TIAM1: variants seen among roughly 807,000 people sequenced by gnomAD.
TIAM1 encodes the protein rho guanine nucleotide exchange factor TIAM1.
In TIAM1, 65 loss-of-function variants were observed where a neutral mutation model predicts 163.5. The observed-to-expected ratio is 0.40, with a 90% CI of 0.33 to 0.49. The LOEUF is 0.49. TIAM1 is among the 20% of genes least tolerant of loss of function. The pLI is 0.77. For synonymous variants in TIAM1, 833 were observed against 810.1 expected, an observed-to-expected ratio of 1.03 and a Z score of -0.48; for missense variants, 1,789 against 2,044.7, an observed-to-expected ratio of 0.87 and a Z score of 2.41.
intron 2 of TIAM1, among the ~76,000 whole-genome samples, chr21:31,402,688 G>A (rs531773877): frequency 2.0e-5 from 3 of 152,250 alleles, no homozygotes; most frequent in African/African-American, 7.2e-5. Flanking sequence ...GCTCACGCCT[G>A]TAATCCCAGC....
At chr21:31,164,592 C>G (rs2084116893) in intron 16 of TIAM1, among the ~76,000 whole-genome samples, 1 of 152,072 alleles carries the variant, frequency 6.6e-6, no homozygotes, top group Non-Finnish European at 1.5e-5. Flanking sequence ...TACAGAAACC[C>G]TAAGTAGCAA....
intron 14 of TIAM1, among the ~76,000 whole-genome samples, chr21:31,186,714 G>A (rs747054458): frequency 1.3e-5 from 2 of 152,046 alleles, no homozygotes; most frequent in Admixed American, 6.6e-5. Flanking sequence ...CCAGGATTTC[G>A]ATGCTACAGT....
intron 2 of TIAM1, among the ~76,000 whole-genome samples, chr21:31,391,331 T>C (rs149350106): frequency 2.3e-3 from 356 of 152,124 alleles, no homozygotes; most frequent in African/African-American, 8.1e-3. Flanking sequence ...TCCAAGTCGT[T>C]ATGAAAGTCT....
chr21:31,352,633 C>G (rs62221254), intron 2 of TIAM1, among the ~76,000 whole-genome samples: 6,323 of 150,588 alleles, frequency 0.042, 194 homozygotes, highest in Non-Finnish European at 0.061. Flanking sequence ...GGGCGGATCA[C>G]TTGAGGTCAG....
At chr21:31,195,125 T>C (rs2085780044) in intron 13 of TIAM1, 99 bp downstream of exon 13, 1 of 891,772 alleles carries the variant, frequency 1.1e-6, no homozygotes, top group Non-Finnish European at 1.8e-6. Context: ...CTATCTGTTT[T>C]AGATAGGACT....
chr21:31,422,299 G>GT (rs1351711736), intron 2 of TIAM1, among the ~76,000 whole-genome samples: 3 of 152,130 alleles, frequency 2.0e-5, no homozygotes, highest in Non-Finnish European at 4.4e-5. Context: ...CTCAGGATAC[G>GT]TATCAAGGAT....
chr21:31,417,689 G>C (rs1158916898), intron 2 of TIAM1, among the ~76,000 whole-genome samples: 1 of 152,164 alleles, frequency 6.6e-6, no homozygotes, highest in African/African-American at 2.4e-5. Flanking sequence ...GGACAGAAGA[G>C]AACAGATGTA....
intron 1 of TIAM1, among the ~76,000 whole-genome samples, chr21:31,342,665 G>A (rs917502779): frequency 2.0e-5 from 3 of 152,190 alleles, no homozygotes; most frequent in African/African-American, 7.2e-5. Flanking sequence ...GGGCGTGAGG[G>A]AGTAGATCAC....
At chr21:31,355,147 C>G (rs141728588) in intron 2 of TIAM1, among the ~76,000 whole-genome samples, 1,667 of 151,034 alleles carry the variant, frequency 0.011, 16 homozygotes, top group South Asian at 0.02. Context: ...TGCAGAAACA[C>G]CCACCAGACA....
chr21:31,447,794 C>T (rs557743614), intron 2 of TIAM1, among the ~76,000 whole-genome samples: 178 of 152,228 alleles, frequency 1.2e-3, no homozygotes, highest in Non-Finnish European at 2.1e-3. Flanking sequence ...CATATATGCA[C>T]AACACACATG....
intron 1 of TIAM1, among the ~76,000 whole-genome samples, chr21:31,507,607 A>G (rs1374731670): frequency 6.6e-6 from 1 of 152,100 alleles, no homozygotes; most frequent in East Asian, 1.9e-4. Flanking sequence ...TTCAGCACCA[A>G]TTATATGGTA....
chr21:31,478,369 AAATC>A (rs1336293708), intron 1 of TIAM1, among the ~76,000 whole-genome samples: 1 of 152,222 alleles, frequency 6.6e-6, no homozygotes, highest in Non-Finnish European at 1.5e-5. Flanking sequence ...AAGTTTAAAA[AAATC>A]AATCCATACA....
At position 31,266,220 on chromosome 21, in the gene TIAM1, G is replaced by A. The variant is rs1330384281; in HGVS notation, c.753C>T (p.Ser251=). The change falls in exon 4 of 28, where the codon AGC becomes AGT. Residue 251 remains serine (S), a synonymous_variant. Transcript: ENST00000541036. The stretch of plus-strand genomic sequence containing the variant: ...AATTCCGACAGTAGCCTGCAAATTT[G>A]CTCCCCGGCCCCCCGTTTGCTGTCA... ...SGVTANGGPG[S]KFAGYCRNLV... 6.2e-7 allele frequency: 1 copy of A among 1,614,138 alleles called. No individual in the cohort carries two copies. Among genetic ancestry groups the A allele is most frequent in the Middle Eastern group, 1.6e-4 (1 of 6,062 alleles).
intron 2 of TIAM1, among the ~76,000 whole-genome samples, chr21:31,411,078 C>T (rs956144702): frequency 6.6e-6 from 1 of 152,264 alleles, no homozygotes; most frequent in Non-Finnish European, 1.5e-5. Context: ...GAACCTCTCT[C>T]TGCCTCCCAC....
intron 1 of TIAM1, among the ~76,000 whole-genome samples, chr21:31,496,439 CA>C (rs1271419955): frequency 7.2e-6 from 1 of 138,730 alleles, no homozygotes; most frequent in Non-Finnish European, 1.5e-5. Context: ...CACTGCACTC[CA>C]GCCTGGGCAA....
chr21:31,484,469 C>T (rs1379398074), intron 1 of TIAM1, among the ~76,000 whole-genome samples: 2 of 152,296 alleles, frequency 1.3e-5, no homozygotes, highest in African/African-American at 4.8e-5. Flanking sequence ...CCTCTGCCTC[C>T]GGGGCAGGGA....
chr21:31,227,160 T>G (rs2284489), intron 6 of TIAM1, among the ~76,000 whole-genome samples: 2 of 151,958 alleles, frequency 1.3e-5, no homozygotes, highest in East Asian at 3.9e-4. Flanking sequence ...TTTCACCATG[T>G]TGCCTAGGCT....
chr21:31,175,103 T>C (rs1601417207), intron 15 of TIAM1, among the ~76,000 whole-genome samples: 1 of 152,096 alleles, frequency 6.6e-6, no homozygotes, highest in Non-Finnish European at 1.5e-5. Context: ...CCACCACGCC[T>C]GGCTAATTTT....
intron 27 of TIAM1, among the ~76,000 whole-genome samples, chr21:31,121,226 G>C (rs1296484113): frequency 6.6e-6 from 1 of 152,134 alleles, no homozygotes; most frequent in Non-Finnish European, 1.5e-5. Context: ...ATCAGTTAGT[G>C]AGTTAGTGTC....
Sources: gnomAD v4.1 joint callset for allele counts (sites outside exome capture counted in the v4.1 genomes callset) on GRCh38, gnomAD v4.1.1 for gene constraint, MANE v1.5 for transcripts, NCBI Gene and HGNC (gene_info 2026-07-23, HGNC 2026-07-21) for gene names.